The following HIVEP3 variants were observed in gnomAD, a reference collection of about 807,000 sequenced individuals.
The protein encoded by HIVEP3 is transcription factor HIVEP3.
Under a neutral mutation model 152.8 loss-of-function variants are expected in HIVEP3, and 49 were observed. The ratio of observed to expected loss-of-function variants is 0.32; its 90% CI spans 0.26 to 0.41. HIVEP3 has a LOEUF of 0.41. HIVEP3 is among the 10% of genes least tolerant of loss of function. The pLI is 1.00. For synonymous variants in HIVEP3, 1,269 were observed against 1,289.0 expected, an observed-to-expected ratio of 0.98 and a Z score of 0.33; for missense variants, 2,790 against 3,103.3, an observed-to-expected ratio of 0.90 and a Z score of 2.40.
rs1645736836 is a variant in HIVEP3 at position 41,662,737 on chromosome 1, C to T, written c.-720-33790G>A. ...GCGCCCGCCCCGGCTCCGGCGCTGT[C>T]TTTTCCTCCTGGGCCCTCTAGGGAG... On this transcript the variant is annotated intron_variant, in intron 2 of 8. Transcript: ENST00000372583. This position sits in a 1 kb window ranked among gnomAD's most constrained non-coding sequence, Gnocchi z 7.2. Among the ~76,000 whole-genome samples, 1 of 151,844 alleles carries T rather than the reference C, an allele frequency of 6.6e-6. No individual in the cohort carries two copies. Among genetic ancestry groups the T allele is most frequent in the South Asian group, 2.1e-4 (1 of 4,834 alleles).
At chr1:41,555,643 A>C (rs1442101216) in intron 5 of HIVEP3, among the ~76,000 whole-genome samples, 1 of 152,188 alleles carries the variant, frequency 6.6e-6, no homozygotes, top group Non-Finnish European at 1.5e-5. Context: ...GCCCTGAACC[A>C]TTTTTAAGTG....
chr1:41,713,756 G>A lies in HIVEP3; in HGVS notation c.-800-12761C>T, dbSNP rs867374048. ...GGGCAGCCCATGCCATGTTTTGACTGCTTCTGAGCATTAGAAACTTGGCTT... is the reference window on the plus strand; with the variant it reads ...GGGCAGCCCATGCCATGTTTTGACTACTTCTGAGCATTAGAAACTTGGCTT... On this transcript the variant is annotated intron_variant, in intron 1 of 8. Coordinates refer to ENST00000372583, the MANE Select transcript of HIVEP3 (RefSeq NM_024503.5). 7.9e-5 allele frequency among the ~76,000 whole-genome samples: 12 copies of A among 152,324 alleles called. No homozygotes were observed. The South Asian group carries it at 1.4e-3, about 18-fold the overall frequency.
intron 1 of HIVEP3, among the ~76,000 whole-genome samples, chr1:41,934,643 C>T (rs1198547466): frequency 6.6e-6 from 1 of 152,096 alleles, no homozygotes; most frequent in Non-Finnish European, 1.5e-5. Context: ...TGGAAACTTG[C>T]TTAAAGAGCT....
At chr1:41,524,671 G>A in intron 6 of HIVEP3, 64 bp downstream of exon 6, 2 of 1,465,022 alleles carry the variant, frequency 1.4e-6, no homozygotes, top group South Asian at 1.1e-5. Flanking sequence ...ACTCTGTGCT[G>A]GGACTCCCAG....
intron 1 of HIVEP3, among the ~76,000 whole-genome samples, chr1:42,011,491 T>C (rs904717913): frequency 6.6e-6 from 1 of 152,194 alleles, no homozygotes; most frequent in South Asian, 2.1e-4. Context: ...TGGGTAAAAT[T>C]AATCATTTCA....
chr1:41,788,304 G>T (rs558483402), intron 1 of HIVEP3, among the ~76,000 whole-genome samples: 2 of 152,348 alleles, frequency 1.3e-5, no homozygotes, highest in South Asian at 2.1e-4. Context: ...GGTCCTGTTT[G>T]TGGGCATCTG....
At chr1:41,816,360 C>G (rs1035700431) in intron 1 of HIVEP3, among the ~76,000 whole-genome samples, 1 of 152,116 alleles carries the variant, frequency 6.6e-6, no homozygotes, top group Admixed American at 6.5e-5. Flanking sequence ...AGATCAAACC[C>G]AGAAGGCAAA....
At chr1:42,012,090 C>A (rs1002321255) in intron 1 of HIVEP3, among the ~76,000 whole-genome samples, 1 of 152,196 alleles carries the variant, frequency 6.6e-6, no homozygotes, top group Non-Finnish European at 1.5e-5. Flanking sequence ...GGAATATAAA[C>A]CCTGGAACAT....
chr1:41,880,173 C>T (rs547063256), intron 1 of HIVEP3, among the ~76,000 whole-genome samples: 1 of 152,302 alleles, frequency 6.6e-6, no homozygotes, highest in East Asian at 1.9e-4. Context: ...GATCCTCCTA[C>T]CTCAGCCTCT....
At chr1:41,956,624 G>A (rs545448135) in intron 1 of HIVEP3, among the ~76,000 whole-genome samples, 1 of 152,176 alleles carries the variant, frequency 6.6e-6, no homozygotes, top group South Asian at 2.1e-4. Flanking sequence ...AGAGGGCCAA[G>A]ATTACCCTCT....
At chr1:41,612,421 T>G (rs2149133873) in intron 3 of HIVEP3, among the ~76,000 whole-genome samples, 1 of 152,340 alleles carries the variant, frequency 6.6e-6, no homozygotes, top group East Asian at 1.9e-4. Context: ...GCAGACCTCC[T>G]GTTCATGGCT....
At chr1:41,926,596 G>A (rs945285617) in intron 1 of HIVEP3, among the ~76,000 whole-genome samples, 4 of 152,118 alleles carry the variant, frequency 2.6e-5, no homozygotes, top group African/African-American at 9.7e-5. Flanking sequence ...AGTAGAAGGA[G>A]GAAAGGAAGG....
At position 41,751,600 on chromosome 1, in the gene HIVEP3, G is replaced by A. The variant is rs149757400; in HGVS notation, c.-800-50605C>T. On this transcript the variant is annotated intron_variant, in intron 1 of 8. Transcript: ENST00000372583. ...GCCCCACCTGCACCTTCAGGTGTGC[G>A]TTCTTCAACCTTTCCCCTGTCCTTC... 2.7e-4 allele frequency among the ~76,000 whole-genome samples: 41 copies of A among 152,178 alleles called. No individual in the cohort carries two copies. In the East Asian group the frequency reaches 6.4e-3, roughly 24 times the overall value.
chr1:41,621,577 T>C (rs542011322), intron 3 of HIVEP3, among the ~76,000 whole-genome samples: 33 of 152,354 alleles, frequency 2.2e-4, no homozygotes, highest in African/African-American at 7.7e-4. Flanking sequence ...TGCAGTGGTA[T>C]AATCACAGCT....
intron 1 of HIVEP3, among the ~76,000 whole-genome samples, chr1:41,994,322 A>G (rs1026005261): frequency 3.9e-5 from 6 of 151,984 alleles, no homozygotes; most frequent in African/African-American, 1.4e-4. Flanking sequence ...AAGCAGAAGC[A>G]ACATCAGCAG....
At chr1:41,769,426 A>C (rs1461852792) in intron 1 of HIVEP3, among the ~76,000 whole-genome samples, 1 of 152,188 alleles carries the variant, frequency 6.6e-6, no homozygotes, top group Admixed American at 6.5e-5. Flanking sequence ...TTTGGAAGAA[A>C]TCTAGGGCAC....
intron 2 of HIVEP3, among the ~76,000 whole-genome samples, chr1:41,650,609 C>T (rs1416805181): frequency 6.8e-6 from 1 of 148,068 alleles, no homozygotes; most frequent in Non-Finnish European, 1.5e-5. Flanking sequence ...AAGAAGTAGA[C>T]AAGTCCTGCT....
chr1:41,883,009 T>C (rs1277676181), intron 1 of HIVEP3, among the ~76,000 whole-genome samples: 1 of 152,146 alleles, frequency 6.6e-6, no homozygotes, highest in African/African-American at 2.4e-5. Context: ...GGGAGCCAGC[T>C]GGCTATTTAG....
chr1:41,583,589 C>G lies in HIVEP3; in HGVS notation c.1209G>C (p.Gln403His), dbSNP rs759492269. Residue 403 changes from glutamine to histidine, a missense_variant, in exon 4 of 9, where the codon CAG becomes CAC. Physicochemically the swap from Gln to His is conservative, Grantham distance 24. Transcript: ENST00000372583. This position sits in a 1 kb window ranked among gnomAD's most constrained non-coding sequence, Gnocchi z 6.9. Reference protein sequence around the residue: ...YFSRSESAEQQVSPPNTNAKS... With the variant: ...YFSRSESAEQHVSPPNTNAKS... ...TGGCGTTGGTGTTTGGGGGGCTGAC[C>G]TGCTGCTCTGCACTCTCGGAGCGAG... The G allele has an allele frequency of 6.2e-7, 1 of 1,613,984 alleles. No individual in the cohort carries two copies.
Sources: allele counts gnomAD v4.1 joint callset (sites outside exome capture counted in the v4.1 genomes callset), GRCh38; gene constraint gnomAD v4.1.1; non-coding constraint Gnocchi (gnomAD v3.1); transcripts MANE v1.5; gene names NCBI Gene and HGNC (gene_info 2026-07-23, HGNC 2026-07-21).